ADAM28: variants seen among roughly 807,000 people sequenced by gnomAD.
The protein encoded by ADAM28 is ADAM metallopeptidase domain 28.
In ADAM28, 105 loss-of-function variants were observed where a neutral mutation model predicts 101.2. The ratio of observed to expected loss-of-function variants is 1.04; its 90% CI spans 0.89 to 1.22. ADAM28 has a LOEUF of 1.22. Ranked by LOEUF, ADAM28 falls within the 50% of genes most tolerant of loss-of-function variation. The probability of loss-of-function intolerance (pLI) is 0.00; values close to 1 mark genes in which losing one functional copy is unlikely to be tolerated. For missense variants in ADAM28, 1,028 were observed against 945.4 expected (o/e 1.09, Z -1.15); for synonymous variants, 322 against 310.6 (o/e 1.04, Z -0.39).
At chr8:24,347,663 C>T (rs1815565547) in intron 18 of ADAM28, among the ~76,000 whole-genome samples, 1 of 152,096 alleles carries the variant, frequency 6.6e-6, no homozygotes, top group Non-Finnish European at 1.5e-5. Context: ...ACTTCTGGCT[C>T]TATCAATACT....
intron 20 of ADAM28, 28 bp downstream of exon 20, chr8:24,351,338 A>G: frequency 6.3e-7 from 1 of 1,597,056 alleles, no homozygotes; most frequent in Non-Finnish European, 8.6e-7. Flanking sequence ...GGCTGTGATT[A>G]CCATGGCCCC....
chr8:24,328,229 A>C (rs1283310893), intron 10 of ADAM28, among the ~76,000 whole-genome samples: 1 of 151,934 alleles, frequency 6.6e-6, no homozygotes, highest in Non-Finnish European at 1.5e-5. Flanking sequence ...TGTCTAAGAA[A>C]GGCGATCTTA....
At chr8:24,319,903 C>T (rs1043031734) in intron 6 of ADAM28, among the ~76,000 whole-genome samples, 7 of 151,962 alleles carry the variant, frequency 4.6e-5, no homozygotes, top group African/African-American at 1.7e-4. Context: ...TGAAGTCAAA[C>T]TTTCTCTATT....
chr8:24,298,677 G>A (rs189754712), intron 1 of ADAM28, among the ~76,000 whole-genome samples: 7 of 152,188 alleles, frequency 4.6e-5, no homozygotes, highest in Admixed American at 3.3e-4. Flanking sequence ...CTTACTCAGA[G>A]AAGAGAAAAA....
In ADAM28 at chr8:24,321,656, A is replaced by G. The variant is rs533316334; in HGVS notation, c.720+367A>G. Reference sequence around the variant, plus strand: ...ACATACCAAGCACTGTCACAGTAGCATATTTCATAAAATCTCATGTAATAC... The same window carrying G: ...ACATACCAAGCACTGTCACAGTAGCGTATTTCATAAAATCTCATGTAATAC... On this transcript the variant is annotated intron_variant, in intron 8 of 22. Transcript: ENST00000265769. 2.0e-5 allele frequency among the ~76,000 whole-genome samples: 3 copies of G among 152,116 alleles called. 1 individual carries two copies. In the South Asian group the frequency reaches 6.2e-4, roughly 31 times the overall value.
At chr8:24,310,777 A>C (rs1346906351) in intron 4 of ADAM28, among the ~76,000 whole-genome samples, 2 of 152,146 alleles carry the variant, frequency 1.3e-5, no homozygotes, top group Non-Finnish European at 2.9e-5. Flanking sequence ...CTGTAGCAAT[A>C]ATATCAGAGT....
At position 24,335,578 on chromosome 8, in the gene ADAM28, GGCCACT is replaced by G; in HGVS notation, c.1507_1512del (p.His503_Cys504del). 6.2e-7 allele frequency: 1 copy of G among 1,613,796 alleles called. No homozygotes were observed. ...TGGCTTCCCTTGCCATCACGGGAAG[GGCCACT>G]GCTTGATGGGGACATGCCCCACACT... On this transcript the variant is annotated inframe_deletion, in exon 14 of 23. Transcript: ENST00000265769.
chr8:24,297,947 C>T (rs1276125769), intron 1 of ADAM28, among the ~76,000 whole-genome samples: 1 of 152,052 alleles, frequency 6.6e-6, no homozygotes, highest in African/African-American at 2.4e-5. Context: ...CAGCGATTAC[C>T]TCTGTGACAG....
intron 14 of ADAM28, among the ~76,000 whole-genome samples, chr8:24,338,220 T>C (rs1425859454): frequency 6.8e-6 from 1 of 146,534 alleles, no homozygotes; most frequent in Non-Finnish European, 1.5e-5. Context: ...AAATCCAAAA[T>C]ATATGGATTA....
At chr8:24,317,106 A>T (rs1452025196) in intron 6 of ADAM28, among the ~76,000 whole-genome samples, 3 of 152,090 alleles carry the variant, frequency 2.0e-5, no homozygotes, top group African/African-American at 7.2e-5. Context: ...GAATGTTGTT[A>T]AAATGTTCAT....
intron 9 of ADAM28, among the ~76,000 whole-genome samples, chr8:24,324,383 T>C (rs1812275083): frequency 6.6e-6 from 1 of 152,086 alleles, no homozygotes; most frequent in East Asian, 1.9e-4. Context: ...CTTCACTAAT[T>C]TATTTCCCAC....
At chr8:24,327,242 C>T (rs748837455) in intron 10 of ADAM28, among the ~76,000 whole-genome samples, 4 of 152,028 alleles carry the variant, frequency 2.6e-5, no homozygotes, top group Non-Finnish European at 2.9e-5. Context: ...CATTCGTATA[C>T]ACCAATAACA....
Position 24,358,178 on chromosome 8 carries a change from G to A in ADAM28, c.*3774G>A, listed in dbSNP as rs117706786. The A allele has an allele frequency of 2.0e-5, 3 of 152,144 alleles. No homozygotes were observed. The highest frequency in any genetic ancestry group is 4.4e-5 in the Non-Finnish European group (3 of 68,018). 9.4% of individuals were successfully genotyped at this position (152,144 alleles called of 1,614,324 possible). On this transcript the variant is annotated 3_prime_UTR_variant, in exon 23 of 23. Coordinates refer to ENST00000265769, the MANE Select transcript of ADAM28 (RefSeq NM_014265.6). ...TGCTTCCCACAGTAAATATTTTTCA[G>A]AAGTACATGCTTTCTCAGCCACTTG...
chr8:24,333,551 G>A (rs755726720), intron 13 of ADAM28, among the ~76,000 whole-genome samples: 2 of 152,190 alleles, frequency 1.3e-5, no homozygotes, highest in Non-Finnish European at 2.9e-5. Context: ...TGTTGAGTAG[G>A]ATAACCCCAA....
At chr8:24,354,133 T>C (rs1186304221) in intron 22 of ADAM28, among the ~76,000 whole-genome samples, 1 of 152,058 alleles carries the variant, frequency 6.6e-6, no homozygotes, top group East Asian at 1.9e-4. Context: ...ATCCTGTAAC[T>C]CTCCTTCTGG....
At chr8:24,330,219 A>G in intron 11 of ADAM28, 104 bp downstream of exon 11, 1 of 1,407,550 alleles carries the variant, frequency 7.1e-7, no homozygotes, top group East Asian at 2.4e-5. Flanking sequence ...CGAGTTTTTG[A>G]GTCACTAAAT....
intron 9 of ADAM28, chr8:24,324,902 GTTT>G (rs1563295310): frequency 6.6e-6 from 1 of 151,908 alleles, no homozygotes; most frequent in African/African-American, 2.4e-5. Context: ...ATGCATCAAG[GTTT>G]TTTATGACCT....
Position 24,331,183 on chromosome 8 carries a change from C to T in ADAM28, c.1137C>T (p.Ser379=). 6 of 1,612,936 alleles carry T rather than the reference C, an allele frequency of 3.7e-6. No homozygotes were observed. The highest frequency in any genetic ancestry group is 4.2e-6 in the Non-Finnish European group (5 of 1,179,380). ...FYIPTDFSSC[S]RLSYDKFFED... ...TACCCACAGACTTCAGTTCCTGCAGCCGTCTCAGCTATGACAAGTTTTTTG... is the reference window on the plus strand; with the variant it reads ...TACCCACAGACTTCAGTTCCTGCAGTCGTCTCAGCTATGACAAGTTTTTTG... The change falls in exon 12 of 23, where the codon AGC becomes AGT. Residue 379 remains serine, a synonymous_variant. Transcript: ENST00000265769.
In ADAM28 at chr8:24,310,251, A is replaced by G. The variant is rs781652871; in HGVS notation, c.306+10A>G. 3.4e-5 allele frequency: 55 copies of G among 1,609,438 alleles called. No homozygotes were observed. Among genetic ancestry groups the G allele is most frequent in the Non-Finnish European group, 4.4e-5 (52 of 1,176,162 alleles). The stretch of plus-strand genomic sequence containing the variant: ...AAGCCCACAAATTATGGTATAACGG[A>G]GTCTCTTCAATTCTTTAATTAGGGT... On this transcript the variant is annotated intron_variant, in intron 4 of 22. Coordinates refer to ENST00000265769, the MANE Select transcript of ADAM28 (RefSeq NM_014265.6).
Sources: gnomAD v4.1 joint callset for allele counts (sites outside exome capture counted in the v4.1 genomes callset) on GRCh38, gnomAD v4.1.1 for gene constraint, MANE v1.5 for transcripts, NCBI Gene and HGNC (gene_info 2026-07-23, HGNC 2026-07-21) for gene names.